DLG1: variants seen among roughly 807,000 people sequenced by gnomAD.
DLG1 encodes discs large MAGUK scaffold protein 1.
A neutral mutation model predicts 123.4 loss-of-function variants in DLG1; 42 were observed. The ratio of observed to expected loss-of-function variants is 0.34; its 90% CI spans 0.27 to 0.44. DLG1 has a LOEUF of 0.44. Ranked by LOEUF, DLG1 falls within the 20% of genes least tolerant of loss-of-function variation. The probability of loss-of-function intolerance (pLI) is 1.00; values close to 1 mark genes in which losing one functional copy is unlikely to be tolerated. For synonymous variants in DLG1, 317 were observed against 356.2 expected, an observed-to-expected ratio of 0.89 and a Z score of 1.24; for missense variants, 942 against 1,082.6, an observed-to-expected ratio of 0.87 and a Z score of 1.82.
chr3:197,117,252 C>T (rs968650375), intron 12 of DLG1, among the ~76,000 whole-genome samples: 2 of 152,096 alleles, frequency 1.3e-5, no homozygotes, highest in Non-Finnish European at 2.9e-5. Flanking sequence ...TAAAACGGTG[C>T]AGGCACTACG....
At chr3:197,258,593 T>C (rs1757942812) in intron 4 of DLG1, among the ~76,000 whole-genome samples, 1 of 152,130 alleles carries the variant, frequency 6.6e-6, no homozygotes, top group South Asian at 2.1e-4. Context: ...AAAATTTCAC[T>C]TGGAAAGGTG....
At chr3:197,164,117 C>A (rs1473612063) in intron 5 of DLG1, among the ~76,000 whole-genome samples, 2 of 151,894 alleles carry the variant, frequency 1.3e-5, no homozygotes, top group African/African-American at 4.8e-5. Flanking sequence ...CTTGGCCAGG[C>A]ACAGTGGTTC....
At chr3:197,085,823 T>C in intron 15 of DLG1, 67 bp from the exon 16 acceptor site, 1 of 1,437,854 alleles carries the variant, frequency 7.0e-7, no homozygotes, top group East Asian at 2.3e-5. Flanking sequence ...CATAGGGTTC[T>C]GAAAGTATAT....
At chr3:197,280,936 C>T (rs1768984859) in intron 4 of DLG1, among the ~76,000 whole-genome samples, 1 of 151,824 alleles carries the variant, frequency 6.6e-6, no homozygotes, top group Non-Finnish European at 1.5e-5. Flanking sequence ...ATCCAGGTAT[C>T]TGATCTGGTA....
intron 6 of DLG1, among the ~76,000 whole-genome samples, chr3:197,144,301 C>T (rs1230489981): frequency 6.6e-6 from 1 of 152,170 alleles, no homozygotes; most frequent in African/African-American, 2.4e-5. Flanking sequence ...GCAGCTATAA[C>T]ATGAGTAAAA....
chr3:197,268,532 A>C (rs909696732), intron 4 of DLG1, among the ~76,000 whole-genome samples: 1 of 151,102 alleles, frequency 6.6e-6, no homozygotes, highest in Non-Finnish European at 1.5e-5. Context: ...CAATTCTCCC[A>C]CCTCATCCTC....
intron 4 of DLG1, among the ~76,000 whole-genome samples, chr3:197,199,700 C>T: frequency 6.6e-6 from 1 of 152,132 alleles, no homozygotes; most frequent in Non-Finnish European, 1.5e-5. Context: ...CAATATTCAT[C>T]TGTATTTCTT....
chr3:197,187,746 A>C (rs937963947), intron 5 of DLG1, among the ~76,000 whole-genome samples: 1 of 152,168 alleles, frequency 6.6e-6, no homozygotes, highest in African/African-American at 2.4e-5. Flanking sequence ...CTGTTCTAAC[A>C]ATTTTTCCTA....
chr3:197,064,247 G>A (rs2148868846), intron 22 of DLG1, among the ~76,000 whole-genome samples: 1 of 148,984 alleles, frequency 6.7e-6, no homozygotes, highest in East Asian at 2.0e-4. Context: ...AGGTTGGAGT[G>A]CAACGGCACG....
At chr3:197,092,933 T>G (rs1758544298) in intron 14 of DLG1, among the ~76,000 whole-genome samples, 1 of 152,222 alleles carries the variant, frequency 6.6e-6, no homozygotes, top group Non-Finnish European at 1.5e-5. Flanking sequence ...ATTGATTTTA[T>G]AAGTAGGTAA....
At chr3:197,102,393 C>G (rs917041407) in intron 14 of DLG1, among the ~76,000 whole-genome samples, 1 of 152,168 alleles carries the variant, frequency 6.6e-6, no homozygotes, top group South Asian at 2.1e-4. Flanking sequence ...CAGAGAATCC[C>G]AAGCCTTTAG....
At chr3:197,267,425 CCTT>C (rs1762152173) in intron 4 of DLG1, among the ~76,000 whole-genome samples, 1 of 152,128 alleles carries the variant, frequency 6.6e-6, no homozygotes, top group Non-Finnish European at 1.5e-5. Flanking sequence ...GCCTCTGTTC[CCTT>C]CTTCACTTTA....
intron 10 of DLG1, among the ~76,000 whole-genome samples, chr3:197,136,163 T>C (rs1054441271): frequency 6.6e-6 from 1 of 152,104 alleles, no homozygotes; most frequent in African/African-American, 2.4e-5. Context: ...CACAAAATGG[T>C]TGATGTTCTA....
At chr3:197,112,886 T>C (rs1226059777) in intron 13 of DLG1, among the ~76,000 whole-genome samples, 1 of 152,210 alleles carries the variant, frequency 6.6e-6, no homozygotes, top group Non-Finnish European at 1.5e-5. Flanking sequence ...AAGAGTCACG[T>C]CACCCAGCGT....
intron 4 of DLG1, among the ~76,000 whole-genome samples, chr3:197,233,377 G>T (rs755220503): frequency 6.6e-6 from 1 of 152,110 alleles, no homozygotes; most frequent in Non-Finnish European, 1.5e-5. Context: ...CTATTGGAAG[G>T]TTTTTTAAAA....
At chr3:197,080,886 G>T (rs753368569) in intron 17 of DLG1, 165 bp downstream of exon 17, 34 of 523,134 alleles carry the variant, frequency 6.5e-5, no homozygotes, top group Non-Finnish European at 1.1e-4. Flanking sequence ...AATTTGGAAG[G>T]GTCTGTGAAA....
chr3:197,136,779 T>G (rs1785236185), intron 9 of DLG1, 101 bp from the exon 10 acceptor site: 3 of 1,015,652 alleles, frequency 3.0e-6, no homozygotes, highest in Non-Finnish European at 4.2e-6. Context: ...CACACTAATA[T>G]TTTTTAAAAT....
chr3:197,130,733 A>G, intron 10 of DLG1, 62 bp from the exon 11 acceptor site: 1 of 1,353,202 alleles, frequency 7.4e-7, no homozygotes, highest in South Asian at 1.5e-5. Flanking sequence ...TTTGGAAACA[A>G]TTTCACGAAA....
intron 3 of DLG1, among the ~76,000 whole-genome samples, chr3:197,289,104 T>C (rs1297245643): frequency 1.3e-5 from 2 of 152,308 alleles, no homozygotes; most frequent in South Asian, 2.1e-4. Flanking sequence ...AGTTGCTTCG[T>C]CTAGGGCTCA....
Sources: allele counts gnomAD v4.1 joint callset (sites outside exome capture counted in the v4.1 genomes callset), GRCh38; gene constraint gnomAD v4.1.1; transcripts MANE v1.5; gene names NCBI Gene and HGNC (gene_info 2026-07-23, HGNC 2026-07-21).